The following MDGA2 variants were observed in gnomAD, a reference collection of about 807,000 sequenced individuals.
MDGA2 encodes the protein MAM domain-containing glycosylphosphatidylinositol anchor protein 2.
A neutral mutation model predicts 117.8 loss-of-function variants in MDGA2; 40 were observed. The observed-to-expected ratio is 0.34, with a 90% CI of 0.26 to 0.44. The LOEUF (loss-of-function observed/expected upper bound fraction) is 0.44. Ranked by LOEUF, MDGA2 falls within the 20% of genes least tolerant of loss-of-function variation. The pLI is 1.00. For synonymous variants in MDGA2, 452 were observed against 439.0 expected, an observed-to-expected ratio of 1.03 and a Z score of -0.37; for missense variants, 1,123 against 1,250.6, an observed-to-expected ratio of 0.90 and a Z score of 1.54.
intron 8 of MDGA2, among the ~76,000 whole-genome samples, chr14:47,023,198 T>TAAAAAAAAAAAAAAAAA (rs71985853): frequency 9.7e-6 from 1 of 102,868 alleles, no homozygotes; most frequent in Non-Finnish European, 2.0e-5. Context: ...TTCCCACTCG[T>TAAAAAAAAAAAAAAAAA]AAAAAAAAAA....
chr14:47,006,962 A>C (rs767165976), intron 8 of MDGA2, among the ~76,000 whole-genome samples: 1 of 151,760 alleles, frequency 6.6e-6, no homozygotes, highest in Non-Finnish European at 1.5e-5. Context: ...AAGCTAATTT[A>C]AGCAATGTTC....
intron 2 of MDGA2, among the ~76,000 whole-genome samples, chr14:47,235,357 T>C (rs555546337): frequency 2.6e-5 from 4 of 152,294 alleles, no homozygotes; most frequent in Admixed American, 6.5e-5. Context: ...TCAGTGTCTT[T>C]TGAAGGAGGA....
At chr14:47,282,944 G>C (rs1308976581) in intron 2 of MDGA2, among the ~76,000 whole-genome samples, 2 of 151,996 alleles carry the variant, frequency 1.3e-5, no homozygotes, top group African/African-American at 4.8e-5. Context: ...AAAAGATCCT[G>C]TCTTTAATAA....
At chr14:46,972,682 CAT>C (rs777199802) in intron 8 of MDGA2, among the ~76,000 whole-genome samples, 5 of 152,038 alleles carry the variant, frequency 3.3e-5, no homozygotes, top group Admixed American at 6.6e-5. Flanking sequence ...TACAAACTAA[CAT>C]AGAAAAAAAG....
At chr14:47,495,694 T>C (rs1426685594) in intron 1 of MDGA2, among the ~76,000 whole-genome samples, 1 of 152,214 alleles carries the variant, frequency 6.6e-6, no homozygotes, top group Non-Finnish European at 1.5e-5. Flanking sequence ...GCTATTGTTA[T>C]GTCTAATGCT....
intron 3 of MDGA2, among the ~76,000 whole-genome samples, chr14:47,156,087 T>C (rs1386775913): frequency 7.3e-5 from 11 of 151,602 alleles, no homozygotes; most frequent in Non-Finnish European, 1.6e-4. Flanking sequence ...TTTGTATTTT[T>C]AGTAGAGGCG....
intron 10 of MDGA2, among the ~76,000 whole-genome samples, chr14:46,918,847 C>T (rs1268210325): frequency 6.7e-6 from 1 of 149,890 alleles, no homozygotes; most frequent in African/African-American, 2.5e-5. Context: ...CTGCAAACTC[C>T]GCCTCCCAGG....
chr14:47,145,380 TATAA>T (rs1882899892), intron 3 of MDGA2, among the ~76,000 whole-genome samples: 1 of 152,168 alleles, frequency 6.6e-6, no homozygotes, highest in Non-Finnish European at 1.5e-5. Flanking sequence ...AAACTTTATT[TATAA>T]ATACAGACAC....
chr14:47,663,284 C>A (rs1440955968), intron 1 of MDGA2, among the ~76,000 whole-genome samples: 1 of 152,204 alleles, frequency 6.6e-6, no homozygotes, highest in Non-Finnish European at 1.5e-5. Context: ...CAATATTGCT[C>A]ATTTCACATA....
At chr14:47,086,386 A>C (rs1890901762) in intron 6 of MDGA2, among the ~76,000 whole-genome samples, 1 of 152,146 alleles carries the variant, frequency 6.6e-6, no homozygotes, top group Admixed American at 6.5e-5. Context: ...ATTTAGAATG[A>C]GCACTGACAT....
intron 14 of MDGA2, among the ~76,000 whole-genome samples, chr14:46,868,669 A>G (rs1881874577): frequency 6.6e-6 from 1 of 151,958 alleles, no homozygotes; most frequent in Non-Finnish European, 1.5e-5. Flanking sequence ...ACAGATGGGG[A>G]CTCAAACTGG....
intron 10 of MDGA2, among the ~76,000 whole-genome samples, chr14:46,896,345 A>G (rs529579796): frequency 6.6e-6 from 1 of 152,282 alleles, no homozygotes; most frequent in African/African-American, 2.4e-5. Context: ...TGTTGTGAAT[A>G]CTTACACAAA....
At chr14:47,084,746 T>C (rs1443257043) in intron 6 of MDGA2, among the ~76,000 whole-genome samples, 2 of 152,092 alleles carry the variant, frequency 1.3e-5, no homozygotes, top group Non-Finnish European at 2.9e-5. Context: ...AGAGCTGGCT[T>C]TCCCTCTCTG....
chr14:47,586,094 ATTTTATTCTTC>A (rs1896320125), intron 1 of MDGA2, among the ~76,000 whole-genome samples: 1 of 151,866 alleles, frequency 6.6e-6, no homozygotes, highest in African/African-American at 2.4e-5. Flanking sequence ...AGTATTTATT[ATTTTATTCTTC>A]TCAATAATAT....
intron 1 of MDGA2, among the ~76,000 whole-genome samples, chr14:47,476,485 T>C (rs549521655): frequency 6.6e-6 from 1 of 152,248 alleles, no homozygotes; most frequent in African/African-American, 2.4e-5. Flanking sequence ...TATGATGTCA[T>C]TGAATTTGAT....
chr14:47,120,305 TA>T (rs926232209), intron 5 of MDGA2, among the ~76,000 whole-genome samples: 6 of 152,094 alleles, frequency 3.9e-5, no homozygotes, highest in African/African-American at 1.4e-4. Context: ...AAGGTTCCAA[TA>T]AAAAAATTCC....
intron 1 of MDGA2, among the ~76,000 whole-genome samples, chr14:47,361,887 T>C (rs1381465206): frequency 6.6e-6 from 1 of 152,184 alleles, no homozygotes; most frequent in Non-Finnish European, 1.5e-5. Flanking sequence ...ATTACCTAAT[T>C]CGAAGCACTC....
At chr14:47,600,385 A>C (rs1361056374) in intron 1 of MDGA2, among the ~76,000 whole-genome samples, 2 of 152,020 alleles carry the variant, frequency 1.3e-5, no homozygotes, top group African/African-American at 2.4e-5. Flanking sequence ...AGTCAGCGGC[A>C]ATCACGCCAC....
chr14:47,131,790 A>G lies in MDGA2; in HGVS notation c.849T>C (p.Tyr283=), dbSNP rs748600624. Residue 283 remains tyrosine, a synonymous_variant, in exon 5 of 17, where the codon TAT becomes TAC. Transcript: ENST00000399232. ...KNLRPQDYAN[Y]SCIASVRNVC... ...CATTCCTCACTGAAGCAATGCAGCT[A>G]TAATTAGCATAGTCCTGAGGTCGAA... 4.4e-6 allele frequency: 7 copies of G among 1,598,400 alleles called. No homozygotes were observed. In the East Asian group the frequency reaches 1.6e-4, roughly 36 times the overall value.
Sources: allele counts gnomAD v4.1 joint callset (sites outside exome capture counted in the v4.1 genomes callset), GRCh38; gene constraint gnomAD v4.1.1; transcripts MANE v1.5; gene names NCBI Gene and HGNC (gene_info 2026-07-23, HGNC 2026-07-21).